Variants in XKR4 observed in about 807,000 individuals in gnomAD.
XKR4 encodes the protein XK related 4.
Under a neutral mutation model 53.9 loss-of-function variants are expected in XKR4, and 12 were observed. That is an observed-to-expected ratio of 0.22 (90% confidence interval 0.14 to 0.36). XKR4 has a LOEUF of 0.36. Among genes scored for constraint, XKR4 ranks in the 10% least tolerant of loss-of-function variants. XKR4 has a pLI of 1.00. For synonymous variants in XKR4, 354 were observed against 362.4 expected, an observed-to-expected ratio of 0.98 and a Z score of 0.26; for missense variants, 799 against 859.5, an observed-to-expected ratio of 0.93 and a Z score of 0.88.
intron 2 of XKR4, among the ~76,000 whole-genome samples, chr8:55,492,953 G>T (rs906141227): frequency 6.6e-6 from 1 of 152,212 alleles, no homozygotes; most frequent in Admixed American, 6.5e-5. Context: ...GCCTTACAAA[G>T]CTGTGGCTCA....
At chr8:55,438,022 A>G (rs1805201545) in intron 2 of XKR4, among the ~76,000 whole-genome samples, 2 of 152,128 alleles carry the variant, frequency 1.3e-5, no homozygotes, top group Admixed American at 1.3e-4. Context: ...AGATGAATAG[A>G]TTAAAACTGA....
chr8:55,207,512 C>T (rs1336887438), intron 1 of XKR4, among the ~76,000 whole-genome samples: 1 of 152,164 alleles, frequency 6.6e-6, no homozygotes, highest in Admixed American at 6.6e-5. Context: ...ATTTTCAGTT[C>T]TGTCATAGCA....
chr8:55,219,796 G>T (rs1378223427), intron 1 of XKR4, among the ~76,000 whole-genome samples: 5 of 152,046 alleles, frequency 3.3e-5, no homozygotes, highest in Non-Finnish European at 7.4e-5. Context: ...TGGTGACAAG[G>T]GCTCAGAAAT....
At chr8:55,477,937 C>A (rs572850159) in intron 2 of XKR4, among the ~76,000 whole-genome samples, 1 of 152,226 alleles carries the variant, frequency 6.6e-6, no homozygotes, top group South Asian at 2.1e-4. Context: ...GACTGGTTTA[C>A]TTGAAAGTGA....
chr8:55,183,754 C>CCATAA (rs1259800566), intron 1 of XKR4, among the ~76,000 whole-genome samples: 1 of 152,156 alleles, frequency 6.6e-6, no homozygotes, highest in Non-Finnish European at 1.5e-5. Flanking sequence ...ATCAAATTGG[C>CCATAA]AGTTAGTGTT....
At chr8:55,311,829 CAAAAAAAAA>C (rs57826022) in intron 1 of XKR4, among the ~76,000 whole-genome samples, 1 of 98,606 alleles carries the variant, frequency 1.0e-5, no homozygotes, top group South Asian at 3.3e-4. Context: ...TGTAATTTAG[CAAAAAAAAA>C]AAAAAAAAAA....
chr8:55,224,323 T>C (rs555901064), intron 1 of XKR4, among the ~76,000 whole-genome samples: 2 of 152,308 alleles, frequency 1.3e-5, no homozygotes, highest in African/African-American at 4.8e-5. Context: ...TCAAACAATA[T>C]AGATAATTGC....
At chr8:55,244,370 A>G (rs1818253621) in intron 1 of XKR4, among the ~76,000 whole-genome samples, 1 of 152,214 alleles carries the variant, frequency 6.6e-6, no homozygotes, top group Non-Finnish European at 1.5e-5. Context: ...CTCCAGCTCC[A>G]TCCATGTTGC....
At chr8:55,142,265 T>G (rs920806324) in intron 1 of XKR4, 1 of 447,106 alleles carries the variant, frequency 2.2e-6, no homozygotes, top group Non-Finnish European at 4.5e-6. Flanking sequence ...GTAGGAGAAG[T>G]TGCCATTCTC....
intron 2 of XKR4, among the ~76,000 whole-genome samples, chr8:55,361,537 T>C (rs1435340026): frequency 5.3e-5 from 8 of 152,066 alleles, no homozygotes; most frequent in Non-Finnish European, 1.0e-4. Context: ...GGCCGGACCA[T>C]GTGCACTCCC....
intron 2 of XKR4, among the ~76,000 whole-genome samples, chr8:55,504,454 A>G (rs546510675): frequency 1.3e-5 from 2 of 151,750 alleles, no homozygotes; most frequent in Admixed American, 1.3e-4. Context: ...ATCTCAGGCA[A>G]TCTGCCCACC....
intron 1 of XKR4, among the ~76,000 whole-genome samples, chr8:55,289,741 GAAAA>G (rs1177824252): frequency 1.3e-3 from 140 of 109,954 alleles, no homozygotes; most frequent in African/African-American, 4.6e-3. Flanking sequence ...AAGAAAGAAA[GAAAA>G]AGAAAGAAAG....
chr8:55,363,448 A>G (rs931383806), intron 2 of XKR4, among the ~76,000 whole-genome samples: 1 of 152,174 alleles, frequency 6.6e-6, no homozygotes, highest in African/African-American at 2.4e-5. Context: ...GGAAGTCAGA[A>G]GTAAAGTTGT....
At chr8:55,349,248 C>A (rs913015270) in intron 1 of XKR4, among the ~76,000 whole-genome samples, 6 of 152,166 alleles carry the variant, frequency 3.9e-5, no homozygotes, top group Non-Finnish European at 7.3e-5. Flanking sequence ...TTGTTCAGAA[C>A]TGAAGTCCTT....
intron 1 of XKR4, 69 bp downstream of exon 1, chr8:55,103,363 A>G: frequency 6.6e-7 from 1 of 1,517,526 alleles, no homozygotes; most frequent in Non-Finnish European, 8.8e-7. Flanking sequence ...TTGCTTTTGC[A>G]CGGAAATCTT....
chr8:55,269,981 G>A (rs1818663226), intron 1 of XKR4, among the ~76,000 whole-genome samples: 1 of 152,232 alleles, frequency 6.6e-6, no homozygotes, highest in South Asian at 2.1e-4. Flanking sequence ...TTTTGGAAGT[G>A]TTATTTTGGA....
chr8:55,303,985 G>T (rs1168529916), intron 1 of XKR4, among the ~76,000 whole-genome samples: 2 of 151,980 alleles, frequency 1.3e-5, no homozygotes, highest in Non-Finnish European at 2.9e-5. Flanking sequence ...GGTTTTTTGT[G>T]TCTCTATTTC....
At chr8:55,171,251 G>A (rs1321909260) in intron 1 of XKR4, among the ~76,000 whole-genome samples, 4 of 152,212 alleles carry the variant, frequency 2.6e-5, no homozygotes, top group Admixed American at 6.5e-5. Context: ...TGCTGACATT[G>A]TATTTAATGG....
In XKR4 at chr8:55,525,207, G is replaced by A. The variant is rs1382906749; in HGVS notation, c.*980G>A. ...AATGAGTGGCTCTGTGTGACCATAG[G>A]CAGATGCTGACTCTGGAAGACTCCG... On this transcript the variant is annotated 3_prime_UTR_variant, in exon 3 of 3. Coordinates refer to ENST00000327381, the MANE Select transcript of XKR4 (RefSeq NM_052898.2). 1 of 152,612 alleles carries A rather than the reference G, an allele frequency of 6.6e-6. No individual in the cohort carries two copies. The highest frequency in any genetic ancestry group is 1.9e-4 in the East Asian group (1 of 5,190). The allele number at this position is 152,612 out of a possible 1,614,324, so 9.5% of individuals were successfully genotyped here.
Sources: gnomAD v4.1 joint callset for allele counts (sites outside exome capture counted in the v4.1 genomes callset) on GRCh38, gnomAD v4.1.1 for gene constraint, MANE v1.5 for transcripts, NCBI Gene and HGNC (gene_info 2026-07-23, HGNC 2026-07-21) for gene names.